The following COPS3 variants were observed in gnomAD, a reference collection of about 807,000 sequenced individuals.
The protein encoded by COPS3 is COP9 signalosome subunit 3.
In COPS3, 10 loss-of-function variants were observed where a neutral mutation model predicts 58.2. The observed-to-expected ratio is 0.17, with a 90% CI of 0.11 to 0.29. The LOEUF (loss-of-function observed/expected upper bound fraction) is 0.29, where lower values mean the gene tolerates loss of function less well. Among genes scored for constraint, COPS3 ranks in the 10% least tolerant of loss-of-function variants. The pLI, the probability that COPS3 is intolerant of heterozygous loss-of-function variation, is 1.00. For synonymous variants in COPS3, 187 were observed against 181.7 expected, an observed-to-expected ratio of 1.03 and a Z score of -0.24; for missense variants, 333 against 510.1, an observed-to-expected ratio of 0.65 and a Z score of 3.34.
Position 17,267,931 on chromosome 17 carries a change from T to A in COPS3, c.395A>T (p.Gln132Leu). The change falls in exon 5 of 12, where the codon CAG becomes CTG. Residue 132 changes from glutamine (Q) to leucine (L), a missense_variant. Gln to Leu is a moderately radical substitution (Grantham distance 113). Coordinates refer to ENST00000268717, the MANE Select transcript of COPS3 (RefSeq NM_003653.4). ...GILKQAIDKM[Q>L]MNTNQLTSIH... ...TGAGGTCAGCTGGTTTGTATTCATC[T>A]GCATCTTGTCTATGGCTTGCTTAAG... 1 of 1,614,124 alleles carries A rather than the reference T, an allele frequency of 6.2e-7. No homozygotes were observed. Among genetic ancestry groups the A allele is most frequent in the South Asian group, 1.1e-5 (1 of 91,076 alleles).
Position 17,276,042 on chromosome 17 carries a change from C to T in COPS3, c.178G>A (p.Ala60Thr). ...AAAGAAGATGCTCCTTACAAAACAG[C>T]AAGGACGCCCAAGGAGTGTTCTTGT... The part of the protein sequence containing the change: ...DVQEHSLGVL[A>T]VLFVKFSMPS... The change falls in exon 2 of 12, where the codon GCT (alanine) becomes ACT (threonine). Residue 60 changes from alanine to threonine, a missense_variant. Ala to Thr is a moderately conservative substitution (Grantham distance 58). Coordinates refer to ENST00000268717, the MANE Select transcript of COPS3 (RefSeq NM_003653.4). The T allele has an allele frequency of 6.2e-7, 1 of 1,613,326 alleles. No individual in the cohort carries two copies. Among genetic ancestry groups the T allele is most frequent in the Non-Finnish European group, 8.5e-7 (1 of 1,179,476 alleles).
At chr17:17,271,646 C>G (rs887897495) in intron 2 of COPS3, among the ~76,000 whole-genome samples, 3 of 150,814 alleles carry the variant, frequency 2.0e-5, no homozygotes, top group Non-Finnish European at 4.4e-5. Context: ...ATGGAAAAAC[C>G]TCGTCTCTAC....
At chr17:17,279,088 G>T (rs1267464932) in intron 1 of COPS3, among the ~76,000 whole-genome samples, 3 of 152,110 alleles carry the variant, frequency 2.0e-5, no homozygotes, top group Admixed American at 1.3e-4. Context: ...TGGCCAGGGT[G>T]GTCTTGAACT....
At chr17:17,255,762 C>A (rs889307142) in intron 8 of COPS3, among the ~76,000 whole-genome samples, 2 of 151,472 alleles carry the variant, frequency 1.3e-5, no homozygotes, top group African/African-American at 4.9e-5. Flanking sequence ...ATCGCTTAAA[C>A]TTGGGAGGTG....
In COPS3 at chr17:17,271,880, T is replaced by TTAATAATATA. The variant is rs1390782169; in HGVS notation, c.186-882_186-873dup. Among the ~76,000 whole-genome samples, 336 of 125,890 alleles carry TTAATAATATA rather than the reference T, an allele frequency of 2.7e-3. 1 individual carries two copies. Among genetic ancestry groups the TTAATAATATA allele is most frequent in the Middle Eastern group, 0.015 (4 of 264 alleles). The allele number at this position is 125,890 out of a possible 152,430, so 82.6% of individuals were successfully genotyped here. On this transcript the variant is annotated intron_variant, in intron 2 of 11. Transcript: ENST00000268717. ...TATACACACATACACACACATATGT[T>TTAATAATATA]TAATAATATATATTAAATAATAAAC...
chr17:17,267,017 A>G (rs2048237172), intron 5 of COPS3, among the ~76,000 whole-genome samples: 1 of 149,724 alleles, frequency 6.7e-6, no homozygotes, highest in Non-Finnish European at 1.5e-5. Context: ...AGGCTCCACA[A>G]TTTTAAAAAA....
intron 4 of COPS3, among the ~76,000 whole-genome samples, chr17:17,268,819 A>G (rs187392322): frequency 0.03 from 3,488 of 117,136 alleles, 126 homozygotes; most frequent in African/African-American, 0.1. Context: ...ACCCCATCTC[A>G]AAAAAACAAC....
intron 1 of COPS3, 26 bp downstream of exon 1, chr17:17,281,106 C>A: frequency 6.2e-7 from 1 of 1,601,366 alleles, no homozygotes; most frequent in Non-Finnish European, 8.5e-7. Context: ...CCCGCCCATG[C>A]CCAGCCCGGC....
chr17:17,268,425 A>G (rs1186938897), intron 4 of COPS3, among the ~76,000 whole-genome samples: 1 of 152,116 alleles, frequency 6.6e-6, no homozygotes, highest in Non-Finnish European at 1.5e-5. Flanking sequence ...TACCAAAACT[A>G]ACACCATAGA....
intron 5 of COPS3, among the ~76,000 whole-genome samples, chr17:17,265,748 A>G (rs914067154): frequency 2.0e-5 from 3 of 152,190 alleles, no homozygotes; most frequent in African/African-American, 7.2e-5. Context: ...AGCATGCTAT[A>G]GATGATTGAG....
At chr17:17,278,150 C>T (rs1223538798) in intron 1 of COPS3, among the ~76,000 whole-genome samples, 5 of 151,216 alleles carry the variant, frequency 3.3e-5, no homozygotes, top group Admixed American at 1.3e-4. Context: ...GACTCCGTTT[C>T]GGGGGAAAAA....
intron 4 of COPS3, among the ~76,000 whole-genome samples, chr17:17,269,136 G>T (rs1317848796): frequency 1.3e-5 from 2 of 152,118 alleles, no homozygotes; most frequent in Admixed American, 1.3e-4. Flanking sequence ...AGGCTAGCCT[G>T]GCCAACATGG....
intron 5 of COPS3, among the ~76,000 whole-genome samples, chr17:17,267,504 GGT>G (rs2048252688): frequency 6.6e-6 from 1 of 150,774 alleles, no homozygotes; most frequent in Admixed American, 6.6e-5. Flanking sequence ...TAGGCTTGGT[GGT>G]GGGTGCTTGT....
At chr17:17,253,495 G>A (rs1432281855) in intron 9 of COPS3, among the ~76,000 whole-genome samples, 1 of 152,180 alleles carries the variant, frequency 6.6e-6, no homozygotes, top group Non-Finnish European at 1.5e-5. Context: ...ACTGGCAGGT[G>A]ATAAAGAGGG....
At chr17:17,280,797 G>A (rs1233705370) in intron 1 of COPS3, 14 of 1,260,320 alleles carry the variant, frequency 1.1e-5, no homozygotes, top group Non-Finnish European at 1.4e-5. Flanking sequence ...AGAGACAGAA[G>A]GAACCAATAG....
intron 9 of COPS3, 26 bp from the exon 10 acceptor site, chr17:17,249,065 A>G: frequency 1.4e-6 from 2 of 1,385,240 alleles, no homozygotes; most frequent in Non-Finnish European, 2.0e-6. Context: ...AAAAAAAATC[A>G]GGAAAGCAGT....
At chr17:17,257,771 T>C (rs1389209246) in intron 8 of COPS3, among the ~76,000 whole-genome samples, 1 of 139,106 alleles carries the variant, frequency 7.2e-6, no homozygotes, top group East Asian at 2.1e-4. Context: ...CACTCCAGCC[T>C]GGGAGACAGA....
At chr17:17,255,351 G>A (rs138923764) in intron 8 of COPS3, among the ~76,000 whole-genome samples, 5 of 150,222 alleles carry the variant, frequency 3.3e-5, no homozygotes, top group African/African-American at 7.3e-5. Context: ...GGTGGCATGC[G>A]TCTGTAGTCC....
chr17:17,281,240 C>A lies in COPS3; in HGVS notation c.-54G>T, dbSNP rs1028544793. The A allele has an allele frequency of 3.2e-6, 5 of 1,574,818 alleles. No homozygotes were observed. Among genetic ancestry groups the A allele is most frequent in the Admixed American group, 1.8e-5 (1 of 55,072 alleles). On this transcript the variant is annotated 5_prime_UTR_variant, in exon 1 of 12. Transcript: ENST00000268717. The stretch of plus-strand genomic sequence containing the variant: ...AGGCAGCACGCGCGGGAAAAGGCTG[C>A]CGCTCTGGGAGGAGGGGCCGCGGCG...
Sources: allele counts gnomAD v4.1 joint callset (sites outside exome capture counted in the v4.1 genomes callset), GRCh38; gene constraint gnomAD v4.1.1; transcripts MANE v1.5; gene names NCBI Gene and HGNC (gene_info 2026-07-23, HGNC 2026-07-21).